The following MARK3 variants were observed in gnomAD, a reference collection of about 807,000 sequenced individuals.
The protein encoded by MARK3 is MAP/microtubule affinity-regulating kinase 3.
A neutral mutation model predicts 90.1 loss-of-function variants in MARK3; 46 were observed. The observed-to-expected ratio is 0.51, with a 90% CI of 0.40 to 0.65. MARK3 has a LOEUF of 0.65. Ranked by LOEUF, MARK3 falls within the 30% of genes least tolerant of loss-of-function variation. The pLI is 0.00. For synonymous variants in MARK3, 321 were observed against 332.6 expected (o/e 0.97, Z 0.38); for missense variants, 818 against 947.2 (o/e 0.86, Z 1.79).
At chr14:103,450,311 G>T (rs1251966041) in intron 4 of MARK3, among the ~76,000 whole-genome samples, 1 of 151,996 alleles carries the variant, frequency 6.6e-6, no homozygotes, top group Non-Finnish European at 1.5e-5. Context: ...GCCAACTCTG[G>T]ATTTCAAATT....
intron 1 of MARK3, among the ~76,000 whole-genome samples, chr14:103,399,012 C>T (rs1173035416): frequency 1.3e-5 from 2 of 152,136 alleles, no homozygotes; most frequent in Non-Finnish European, 2.9e-5. Context: ...CTGTTTTAAA[C>T]TTGTAAACCT....
rs117303815 is a variant in MARK3, at chr14:103,447,103, A to C, written c.298-1816A>C. On this transcript the variant is annotated intron_variant, in intron 3 of 17. Coordinates refer to ENST00000429436, the MANE Select transcript of MARK3 (RefSeq NM_001128918.3). Reference sequence around the variant, plus strand: ...GATAGGAAAGGTTATTTATCTGATTACATGTTTTAAAATTCTGAGCGTAAG... The same window carrying C: ...GATAGGAAAGGTTATTTATCTGATTCCATGTTTTAAAATTCTGAGCGTAAG... Among the ~76,000 whole-genome samples the C allele has an allele frequency of 3.9e-5, 6 of 152,246 alleles. No individual in the cohort carries two copies. In the East Asian group the frequency reaches 1.2e-3, roughly 29 times the overall value.
chr14:103,478,728 G>C (rs553797283), intron 13 of MARK3, among the ~76,000 whole-genome samples: 2 of 151,876 alleles, frequency 1.3e-5, no homozygotes, highest in Non-Finnish European at 2.9e-5. Context: ...TAGTAGAGAC[G>C]GGGTTTCTCC....
Position 103,462,796 on chromosome 14 carries a change from G to A in MARK3, c.540+335G>A, listed in dbSNP as rs2093426827. ...GCATTCATTTCTGCTGCTTTCATCA[G>A]TATTCTCTCCCGTTAACAGCAGTGC... is the stretch of plus-strand genomic sequence containing the variant. On this transcript the variant is annotated intron_variant, in intron 7 of 17. Transcript: ENST00000429436. 3.3e-5 allele frequency among the ~76,000 whole-genome samples: 5 copies of A among 152,254 alleles called. No individual in the cohort carries two copies. In the South Asian group the frequency reaches 1.0e-3, roughly 32 times the overall value.
chr14:103,491,752 A>T (rs769358956), intron 14 of MARK3, 25 bp from the exon 15 acceptor site: 2 of 1,608,948 alleles, frequency 1.2e-6, no homozygotes, highest in South Asian at 2.2e-5. Flanking sequence ...ATGTTCTGAG[A>T]GCTTCTTACT....
chr14:103,450,890 GTGTGTGTGTGTGTGTGTGTGTGTGTGT>G (rs2093123783), intron 4 of MARK3, among the ~76,000 whole-genome samples: 1 of 31,822 alleles, frequency 3.1e-5, no homozygotes, highest in Non-Finnish European at 7.5e-5. Flanking sequence ...GTGTGTGTGT[GTGTGTGTGTGTGTGTGTGTGTGTGTGT>G]ATTCTTTTTT....
At chr14:103,452,047 A>G (rs2093159946) in intron 5 of MARK3, 64 bp downstream of exon 5, 14 of 1,052,798 alleles carry the variant, frequency 1.3e-5, no homozygotes, top group Non-Finnish European at 2.0e-5. Flanking sequence ...ATACACAACC[A>G]TACTGCCCAT....
At chr14:103,432,051 T>C (rs150202358) in intron 3 of MARK3, among the ~76,000 whole-genome samples, 4 of 151,384 alleles carry the variant, frequency 2.6e-5, no homozygotes, top group East Asian at 3.9e-4. Flanking sequence ...TTCCAGTCTT[T>C]TGGGGGATTT....
Position 103,462,331 on chromosome 14 carries a change from C to A in MARK3, c.484-74C>A, listed in dbSNP as rs2093418452. On this transcript the variant is annotated intron_variant, in intron 6 of 17. Transcript: ENST00000429436. Reference sequence around the variant, plus strand: ...ATACTGAGTATTCATTATGTGTGAACATTAACAAAGTTATTTTCATCTTAA... The same window carrying A: ...ATACTGAGTATTCATTATGTGTGAAAATTAACAAAGTTATTTTCATCTTAA... 4.5e-6 allele frequency: 5 copies of A among 1,099,460 alleles called. No homozygotes were observed. In the Admixed American group the frequency reaches 5.3e-5, roughly 12 times the overall value. 68.1% of individuals were successfully genotyped at this position (1,099,460 alleles called of 1,614,324 possible).
At chr14:103,468,349 G>A (rs1397661602) in intron 12 of MARK3, among the ~76,000 whole-genome samples, 163 bp downstream of exon 12, 1 of 99,326 alleles carries the variant, frequency 1.0e-5, no homozygotes, top group African/African-American at 4.1e-5. Flanking sequence ...TTTTGAGACA[G>A]AGTCTCACTC....
intron 2 of MARK3, among the ~76,000 whole-genome samples, chr14:103,419,896 A>G (rs541460904): frequency 2.0e-3 from 302 of 152,290 alleles, no homozygotes; most frequent in Admixed American, 3.5e-3. Flanking sequence ...GAGCAGGTCA[A>G]AATTCCTCTG....
At chr14:103,480,138 T>A (rs1484980946) in intron 13 of MARK3, among the ~76,000 whole-genome samples, 1 of 151,752 alleles carries the variant, frequency 6.6e-6, no homozygotes, top group African/African-American at 2.4e-5. Flanking sequence ...AAAAAAAAAT[T>A]AGCCAAATGT....
intron 2 of MARK3, among the ~76,000 whole-genome samples, chr14:103,425,562 A>G (rs1389112704): frequency 1.3e-5 from 2 of 152,172 alleles, no homozygotes; most frequent in Non-Finnish European, 2.9e-5. Context: ...CGGACAACTC[A>G]GTATTTATTG....
At chr14:103,487,009 C>T (rs989203630) in intron 14 of MARK3, among the ~76,000 whole-genome samples, 3 of 151,864 alleles carry the variant, frequency 2.0e-5, no homozygotes, top group African/African-American at 7.3e-5. Context: ...CTACCACCCC[C>T]GGGTTTAAAC....
At chr14:103,437,146 T>C (rs1247177578) in intron 3 of MARK3, among the ~76,000 whole-genome samples, 1 of 152,088 alleles carries the variant, frequency 6.6e-6, no homozygotes, top group Non-Finnish European at 1.5e-5. Flanking sequence ...ATTTTTAGAT[T>C]TCAAAAGAGA....
intron 3 of MARK3, among the ~76,000 whole-genome samples, chr14:103,435,359 TC>T (rs892507490): frequency 6.0e-5 from 9 of 150,348 alleles, no homozygotes; most frequent in Non-Finnish European, 1.3e-4. Flanking sequence ...TGTCTTCACT[TC>T]CCCCAAAGTT....
chr14:103,456,879 A>G (rs1168310992), intron 5 of MARK3, among the ~76,000 whole-genome samples: 1 of 152,226 alleles, frequency 6.6e-6, no homozygotes. Flanking sequence ...ATTAAAGCCT[A>G]TTGAAAACGC....
At chr14:103,470,931 G>A (rs1052505625) in intron 12 of MARK3, among the ~76,000 whole-genome samples, 1 of 152,064 alleles carries the variant, frequency 6.6e-6, no homozygotes, top group Admixed American at 6.6e-5. Flanking sequence ...TTTCTACATG[G>A]TTTAGACTGA....
In MARK3 at chr14:103,465,846, A is replaced by G. The variant is rs2093491670; in HGVS notation, c.777+53A>G. On this transcript the variant is annotated intron_variant, in intron 8 of 17. Coordinates refer to ENST00000429436, the MANE Select transcript of MARK3 (RefSeq NM_001128918.3). ...ACTAAACTAAAAGAAGTTTCCTAAT[A>G]TTACATGGCTTAATATTTTTAACAT... 10 of 1,557,556 alleles carry G rather than the reference A, an allele frequency of 6.4e-6. No homozygotes were observed. The African/African-American group carries it at 6.9e-5, about 11-fold the overall frequency.
Sources: gnomAD v4.1 joint callset for allele counts (sites outside exome capture counted in the v4.1 genomes callset) on GRCh38, gnomAD v4.1.1 for gene constraint, MANE v1.5 for transcripts, NCBI Gene and HGNC (gene_info 2026-07-23, HGNC 2026-07-21) for gene names.